RGS6: variants seen among roughly 807,000 people sequenced by gnomAD.
RGS6 encodes regulator of G protein signaling 6.
RGS6 carries 30 observed loss-of-function variants against 78.5 expected under a neutral mutation model. The ratio of observed to expected loss-of-function variants is 0.38; its 90% CI spans 0.29 to 0.52. The LOEUF is 0.52. RGS6 is among the 20% of genes least tolerant of loss of function. RGS6 has a pLI of 0.85. For missense variants in RGS6, 495 were observed against 609.7 expected, an observed-to-expected ratio of 0.81 and a Z score of 1.98; for synonymous variants, 206 against 206.0, an observed-to-expected ratio of 1.00 and a Z score of 0.00.
At chr14:72,309,408 A>G (rs1445787002) in intron 2 of RGS6, among the ~76,000 whole-genome samples, 1 of 152,238 alleles carries the variant, frequency 6.6e-6, no homozygotes, top group Non-Finnish European at 1.5e-5. Context: ...TTAAATGTCC[A>G]TTTAATGCAT....
chr14:72,248,357 T>C (rs995356642), intron 2 of RGS6, among the ~76,000 whole-genome samples: 1 of 152,204 alleles, frequency 6.6e-6, no homozygotes, highest in Non-Finnish European at 1.5e-5. Context: ...TCATGGAGTT[T>C]TTTGTTTGGG....
At chr14:72,368,582 C>CT (rs1169479160) in intron 3 of RGS6, among the ~76,000 whole-genome samples, 5 of 152,240 alleles carry the variant, frequency 3.3e-5, no homozygotes, top group South Asian at 2.1e-4. Flanking sequence ...CCTTTAGAAA[C>CT]TTTTTTTATA....
chr14:72,465,930 A>G, intron 7 of RGS6, 108 bp downstream of exon 7: 1 of 786,658 alleles, frequency 1.3e-6, no homozygotes, highest in Non-Finnish European at 2.1e-6. Flanking sequence ...TGTCCCTTTC[A>G]GACAGTGGAA....
intron 15 of RGS6, among the ~76,000 whole-genome samples, chr14:72,519,931 A>G (rs1241957558): frequency 1.3e-5 from 2 of 152,194 alleles, no homozygotes; most frequent in Admixed American, 6.5e-5. Flanking sequence ...TGACATCAGG[A>G]GGGATTTATT....
intron 2 of RGS6, among the ~76,000 whole-genome samples, chr14:72,257,406 T>C (rs1335450731): frequency 1.3e-5 from 2 of 152,168 alleles, no homozygotes; most frequent in African/African-American, 2.4e-5. Flanking sequence ...TGAAGCTTCA[T>C]TGCAGTCGTT....
chr14:72,127,364 A>G (rs900876037), intron 2 of RGS6, among the ~76,000 whole-genome samples: 1 of 152,206 alleles, frequency 6.6e-6, no homozygotes, highest in African/African-American at 2.4e-5. Context: ...CTTTGTCTCC[A>G]GTTTTTAAAT....
chr14:71,885,047 T>C, the RGS6 span, among the ~76,000 whole-genome samples: 1 of 152,206 alleles, frequency 6.6e-6, no homozygotes, highest in Admixed American at 6.5e-5. Context: ...CAGCTTTCTG[T>C]CCAATACTAT....
chr14:72,490,069 G>T (rs1232188221), intron 12 of RGS6, among the ~76,000 whole-genome samples: 1 of 152,116 alleles, frequency 6.6e-6, no homozygotes, highest in Non-Finnish European at 1.5e-5. Context: ...ATGTCGTAAA[G>T]CTCTTGATAT....
At chr14:72,489,750 C>T (rs960154320) in intron 12 of RGS6, among the ~76,000 whole-genome samples, 8 of 114,806 alleles carry the variant, frequency 7.0e-5, no homozygotes, top group Admixed American at 2.9e-4. Flanking sequence ...TGAGACGAGG[C>T]GAGGCGAGGT....
intron 3 of RGS6, among the ~76,000 whole-genome samples, chr14:72,403,151 C>G (rs2092618596): frequency 6.6e-6 from 1 of 152,136 alleles, no homozygotes; most frequent in South Asian, 2.1e-4. Flanking sequence ...TACCTGCACC[C>G]CATGTTTATC....
chr14:72,297,479 T>G (rs971081446), intron 2 of RGS6, among the ~76,000 whole-genome samples: 1 of 151,306 alleles, frequency 6.6e-6, no homozygotes, highest in East Asian at 1.9e-4. Flanking sequence ...ATTGTGCAGG[T>G]TAGTTACATA....
chr14:72,098,654 TC>T (rs2095463090), intron 2 of RGS6, among the ~76,000 whole-genome samples: 1 of 152,192 alleles, frequency 6.6e-6, no homozygotes, highest in African/African-American at 2.4e-5. Flanking sequence ...AGTTCCAGTT[TC>T]CCTCAAAAAT....
intron 3 of RGS6, among the ~76,000 whole-genome samples, chr14:72,364,509 CAAACCAGCAG>C (rs761786777): frequency 4.6e-5 from 7 of 152,226 alleles, no homozygotes; most frequent in Non-Finnish European, 1.0e-4. Flanking sequence ...TTTCCCATCA[CAAACCAGCAG>C]ATACCAGCAG....
At chr14:72,254,091 A>G (rs1418345679) in intron 2 of RGS6, among the ~76,000 whole-genome samples, 1 of 152,218 alleles carries the variant, frequency 6.6e-6, no homozygotes, top group African/African-American at 2.4e-5. Flanking sequence ...AAACAGCGTG[A>G]CTGCAAATAT....
intron 2 of RGS6, among the ~76,000 whole-genome samples, chr14:71,990,146 G>T (rs968370358): frequency 2.6e-5 from 4 of 152,002 alleles, no homozygotes; most frequent in Admixed American, 6.6e-5. Flanking sequence ...ATCCCATCTC[G>T]CCAGAGTGAG....
chr14:72,318,020 C>T (rs776761571), intron 2 of RGS6, among the ~76,000 whole-genome samples: 2 of 152,146 alleles, frequency 1.3e-5, no homozygotes, highest in African/African-American at 2.4e-5. Flanking sequence ...TACTTTTCCT[C>T]CAGGTTTATC....
intron 2 of RGS6, among the ~76,000 whole-genome samples, chr14:72,047,197 A>G (rs1037085288): frequency 1.3e-5 from 2 of 152,262 alleles, no homozygotes; most frequent in South Asian, 2.1e-4. Context: ...CTGGTAATCT[A>G]CTGGATACTC....
At chr14:72,098,611 A>ACTCTTT (rs2095461708) in intron 2 of RGS6, among the ~76,000 whole-genome samples, 3 of 152,246 alleles carry the variant, frequency 2.0e-5, no homozygotes, top group Non-Finnish European at 4.4e-5. Flanking sequence ...AGAGTTGCCA[A>ACTCTTT]CATTTATCAG....
intron 2 of RGS6, among the ~76,000 whole-genome samples, chr14:72,229,944 T>A (rs2049129194): frequency 6.6e-6 from 1 of 152,236 alleles, no homozygotes; most frequent in South Asian, 2.1e-4. Flanking sequence ...AGAAGGGCTC[T>A]GTTTGGCCTC....
Sources: gnomAD v4.1 joint callset for allele counts (sites outside exome capture counted in the v4.1 genomes callset) on GRCh38, gnomAD v4.1.1 for gene constraint, MANE v1.5 for transcripts, NCBI Gene and HGNC (gene_info 2026-07-23, HGNC 2026-07-21) for gene names.